MAPRE2: variants seen among roughly 807,000 people sequenced by gnomAD.
The protein encoded by MAPRE2 is microtubule-associated protein RP/EB family member 2.
Under a neutral mutation model 43.2 loss-of-function variants are expected in MAPRE2, and 13 were observed. The ratio of observed to expected loss-of-function variants is 0.30; its 90% CI spans 0.20 to 0.48. MAPRE2 has a LOEUF of 0.48. Among genes scored for constraint, MAPRE2 ranks in the 20% least tolerant of loss-of-function variants. MAPRE2 has a pLI of 0.99. For missense variants in MAPRE2, 161 were observed against 400.2 expected (o/e 0.40, Z 5.10); for synonymous variants, 135 against 148.8 (o/e 0.91, Z 0.68).
At chr18:35,077,398 T>C (rs1907422511) in intron 2 of MAPRE2, among the ~76,000 whole-genome samples, 2 of 152,130 alleles carry the variant, frequency 1.3e-5, no homozygotes, top group South Asian at 4.1e-4. Flanking sequence ...TCTTATTGAG[T>C]ATATCACTAA....
At chr18:35,027,488 C>CA (rs935340437) in intron 2 of MAPRE2, among the ~76,000 whole-genome samples, 37 of 152,230 alleles carry the variant, frequency 2.4e-4, no homozygotes, top group Admixed American at 1.4e-3. Context: ...CGTCAGCCAC[C>CA]AGTCATGAGA....
intron 4 of MAPRE2, among the ~76,000 whole-genome samples, chr18:35,103,212 C>G (rs1482318421): frequency 6.6e-6 from 1 of 151,964 alleles, no homozygotes; most frequent in Admixed American, 6.6e-5. Flanking sequence ...CTCATACTCA[C>G]TAGTATGAAT....
At chr18:35,079,941 A>G (rs1344504429) in intron 2 of MAPRE2, among the ~76,000 whole-genome samples, 1 of 152,264 alleles carries the variant, frequency 6.6e-6, no homozygotes, top group East Asian at 1.9e-4. Flanking sequence ...CATCTGTAAC[A>G]TTAAAATTCA....
At chr18:35,097,621 T>A in intron 3 of MAPRE2, 30 bp downstream of exon 3, 1 of 1,583,848 alleles carries the variant, frequency 6.3e-7, no homozygotes, top group East Asian at 2.2e-5. Context: ...ATAAAATGTG[T>A]TGTTTTTTCT....
intron 4 of MAPRE2, among the ~76,000 whole-genome samples, chr18:35,106,026 GTTCT>G (rs1908888501): frequency 6.6e-6 from 1 of 152,042 alleles, no homozygotes; most frequent in African/African-American, 2.4e-5. Flanking sequence ...ACTCAAAGCC[GTTCT>G]CTTTATACAC....
intron 1 of MAPRE2, among the ~76,000 whole-genome samples, chr18:35,055,443 T>C (rs966784592): frequency 6.6e-6 from 1 of 152,134 alleles, no homozygotes; most frequent in African/African-American, 2.4e-5. Flanking sequence ...ATCCTCACCT[T>C]AACTAATCAT....
intron 4 of MAPRE2, among the ~76,000 whole-genome samples, chr18:35,113,247 A>G (rs1021253167): frequency 1.3e-5 from 2 of 152,210 alleles, no homozygotes; most frequent in African/African-American, 4.8e-5. Context: ...CAGAGAGAAG[A>G]GCAGAAAATT....
intron 4 of MAPRE2, among the ~76,000 whole-genome samples, chr18:35,110,556 C>T (rs1160922408): frequency 6.6e-6 from 1 of 152,112 alleles, no homozygotes; most frequent in African/African-American, 2.4e-5. Flanking sequence ...CATTTCTGAA[C>T]ACCCAAGTTC....
intron 2 of MAPRE2, among the ~76,000 whole-genome samples, chr18:35,079,364 A>G (rs555749107): frequency 6.6e-6 from 1 of 152,344 alleles, no homozygotes; most frequent in African/African-American, 2.4e-5. Context: ...CCAGTTCAAT[A>G]AACCTGTATT....
At chr18:34,996,475 C>CT (rs2097026583) in intron 1 of MAPRE2, among the ~76,000 whole-genome samples, 1 of 152,134 alleles carries the variant, frequency 6.6e-6, no homozygotes, top group Non-Finnish European at 1.5e-5. Context: ...GACTTAAGTC[C>CT]TGGGTGGCTG....
chr18:35,076,224 C>G (rs911665506), intron 2 of MAPRE2, among the ~76,000 whole-genome samples: 1 of 152,136 alleles, frequency 6.6e-6, no homozygotes, highest in African/African-American at 2.4e-5. Context: ...TTGGGCTAGG[C>G]CCTGGGGACC....
At chr18:35,039,159 A>G (rs2097052250), upstream of MAPRE2, among the ~76,000 whole-genome samples, 1 of 152,264 alleles carries the variant, frequency 6.6e-6, no homozygotes, top group Non-Finnish European at 1.5e-5. Flanking sequence ...GTACTAAAGA[A>G]CCCAGATTGA....
intron 1 of MAPRE2, among the ~76,000 whole-genome samples, chr18:35,060,543 C>T (rs889037664): frequency 2.0e-5 from 3 of 152,152 alleles, no homozygotes; most frequent in African/African-American, 7.2e-5. Flanking sequence ...AAGTTTCATT[C>T]ATATCCATGG....
upstream of MAPRE2, among the ~76,000 whole-genome samples, chr18:35,041,177 A>AG (rs1603392901): frequency 6.6e-6 from 1 of 152,220 alleles, no homozygotes; most frequent in Admixed American, 6.5e-5. Context: ...CGAGTCTGCG[A>AG]GGGGGGCTGC....
chr18:35,093,466 C>A (rs897996979), intron 2 of MAPRE2, among the ~76,000 whole-genome samples: 1 of 152,132 alleles, frequency 6.6e-6, no homozygotes, highest in Non-Finnish European at 1.5e-5. Flanking sequence ...TATCTGCACT[C>A]ATGTTTATTG....
At chr18:35,118,192 C>T (rs1191353882) in intron 4 of MAPRE2, among the ~76,000 whole-genome samples, 3 of 152,142 alleles carry the variant, frequency 2.0e-5, no homozygotes, top group Non-Finnish European at 2.9e-5. Context: ...GTGCTGACCA[C>T]TCTGTGCCAC....
chr18:35,004,096 A>C (rs1304192483), intron 1 of MAPRE2, among the ~76,000 whole-genome samples: 2 of 152,132 alleles, frequency 1.3e-5, no homozygotes, highest in Non-Finnish European at 1.5e-5. Context: ...TGTCACCTTT[A>C]CTTTTATTCT....
intron 2 of MAPRE2, among the ~76,000 whole-genome samples, chr18:35,085,373 T>A (rs532124506): frequency 1.3e-5 from 2 of 152,366 alleles, no homozygotes; most frequent in African/African-American, 4.8e-5. Flanking sequence ...CTGGGATGAC[T>A]TTATGATTAT....
In MAPRE2 at chr18:35,140,717, G is replaced by A. The variant is rs1461411651; in HGVS notation, c.*348G>A. The A allele has an allele frequency of 7.6e-6, 2 of 263,734 alleles. No individual in the cohort carries two copies. The highest frequency in any genetic ancestry group is 4.3e-5 in the African/African-American group (2 of 46,304). 16.3% of individuals were successfully genotyped at this position (263,734 alleles called of 1,614,324 possible). On this transcript the variant is annotated 3_prime_UTR_variant, in exon 7 of 7. Coordinates refer to ENST00000300249, the MANE Select transcript of MAPRE2 (RefSeq NM_014268.4). ...ACCACCCCTCTTTTTATCCTGGTGT[G>A]AAACAATGGTAATTTGATATATGGT...
Sources: gnomAD v4.1 joint callset for allele counts (sites outside exome capture counted in the v4.1 genomes callset) on GRCh38, gnomAD v4.1.1 for gene constraint, MANE v1.5 for transcripts, NCBI Gene and HGNC (gene_info 2026-07-23, HGNC 2026-07-21) for gene names.